MICU3: variants seen among roughly 807,000 people sequenced by gnomAD.
The protein encoded by MICU3 is calcium uptake protein 3, mitochondrial.
Under a neutral mutation model 66.5 loss-of-function variants are expected in MICU3, and 62 were observed. The ratio of observed to expected loss-of-function variants is 0.93; its 90% confidence interval spans 0.76 to 1.15. MICU3 has a LOEUF of 1.15. Ranked by LOEUF, MICU3 falls within the 50% of genes most tolerant of loss-of-function variation. MICU3 has a pLI of 0.00. For synonymous variants in MICU3, 308 were observed against 240.7 expected (o/e 1.28, Z -2.59); for missense variants, 779 against 664.4 (o/e 1.17, Z -1.90).
chr8:17,130,444 C>G, the MICU3 span, among the ~76,000 whole-genome samples: 1 of 151,520 alleles, frequency 6.6e-6, no homozygotes, highest in Non-Finnish European at 1.5e-5. Flanking sequence ...AATCACTTGA[C>G]TGAGGTGGAG....
At chr8:17,087,131 C>T in intron 7 of MICU3, 96 bp downstream of exon 7, 2 of 822,286 alleles carry the variant, frequency 2.4e-6, no homozygotes, top group South Asian at 3.5e-5. Flanking sequence ...AACTTTGAAG[C>T]TGTCCCTTTC....
downstream of MICU3, chr8:17,122,671 T>G (rs1180521605): frequency 6.6e-6 from 1 of 152,016 alleles, no homozygotes; most frequent in African/African-American, 2.4e-5. Context: ...TATGTATCTG[T>G]GGACTAATAA....
In MICU3 at chr8:17,030,001, A is replaced by C. The variant is rs961874204; in HGVS notation, c.381+2341A>C. ...CAGATATCCTGGGCTTTATCTTCCA[A>C]CCTTCCTACTGAATTTTTTTATTTC... On this transcript the variant is annotated intron_variant, in intron 1 of 14. Transcript: ENST00000318063. Among the ~76,000 whole-genome samples, 7 of 152,250 alleles carry C rather than the reference A, an allele frequency of 4.6e-5. No homozygotes were observed. The East Asian group carries it at 5.8e-4, about 13-fold the overall frequency.
At chr8:17,076,147 C>A (rs1326507028) in intron 3 of MICU3, among the ~76,000 whole-genome samples, 1 of 151,980 alleles carries the variant, frequency 6.6e-6, no homozygotes, top group East Asian at 1.9e-4. Context: ...CCACCTCAGC[C>A]TCCTGAGTAA....
intron 1 of MICU3, among the ~76,000 whole-genome samples, chr8:17,028,565 CAGAG>C (rs902916569): frequency 6.6e-5 from 10 of 152,178 alleles, no homozygotes; most frequent in African/African-American, 2.4e-4. Context: ...ATTTAGAAAA[CAGAG>C]AGCTATGCTG....
the MICU3 span, among the ~76,000 whole-genome samples, chr8:17,133,756 C>A: frequency 1.3e-5 from 2 of 152,060 alleles, no homozygotes; most frequent in Admixed American, 1.3e-4. Flanking sequence ...TGGAATAATT[C>A]TTCCTTTTTG....
intron 14 of MICU3, among the ~76,000 whole-genome samples, chr8:17,119,897 A>G (rs1280120459): frequency 6.6e-6 from 1 of 152,182 alleles, no homozygotes; most frequent in African/African-American, 2.4e-5. Flanking sequence ...AAAAGAAGTC[A>G]GGTCTTCCTA....
At chr8:17,119,891 G>C (rs1803062559) in intron 14 of MICU3, among the ~76,000 whole-genome samples, 1 of 152,084 alleles carries the variant, frequency 6.6e-6, no homozygotes, top group African/African-American at 2.4e-5. Flanking sequence ...GTTAACAAAA[G>C]AAGTCAGGTC....
chr8:17,096,945 C>G (rs956458688), intron 8 of MICU3, among the ~76,000 whole-genome samples: 1 of 137,348 alleles, frequency 7.3e-6, no homozygotes, highest in Non-Finnish European at 1.6e-5. Context: ...TTAATACGTT[C>G]TAAATATATT....
intron 14 of MICU3, among the ~76,000 whole-genome samples, chr8:17,119,869 C>G (rs1437670263): frequency 6.6e-6 from 1 of 152,020 alleles, no homozygotes; most frequent in African/African-American, 2.4e-5. Flanking sequence ...AGGTGGTAAC[C>G]GTTGTAGCTG....
intron 14 of MICU3, among the ~76,000 whole-genome samples, chr8:17,119,350 T>C (rs1226563430): frequency 2.0e-5 from 3 of 152,252 alleles, no homozygotes; most frequent in African/African-American, 7.2e-5. Context: ...TTGTTTCTAA[T>C]CTCCAAGCGA....
the MICU3 span, among the ~76,000 whole-genome samples, chr8:17,137,522 A>T: frequency 1.7e-3 from 97 of 55,662 alleles, 1 homozygote; most frequent in African/African-American, 4.3e-3. Context: ...GCTTTTTTTT[A>T]AAAAAAAAAA....
At chr8:17,048,716 A>G (rs1563291173) in intron 1 of MICU3, among the ~76,000 whole-genome samples, 1 of 152,150 alleles carries the variant, frequency 6.6e-6, no homozygotes, top group Non-Finnish European at 1.5e-5. Flanking sequence ...CCTGGGCTCA[A>G]GATATCCTCT....
chr8:17,088,805 A>C (rs1463962512), intron 7 of MICU3, among the ~76,000 whole-genome samples: 1 of 151,982 alleles, frequency 6.6e-6, no homozygotes, highest in Non-Finnish European at 1.5e-5. Context: ...CAGTGTTAGC[A>C]CAAAATTTGG....
chr8:17,102,119 G>A (rs1161025304), intron 9 of MICU3, among the ~76,000 whole-genome samples: 1 of 151,744 alleles, frequency 6.6e-6, no homozygotes, highest in Non-Finnish European at 1.5e-5. Context: ...GCTCACCACA[G>A]TACTGGCTAT....
chr8:17,093,336 A>G (rs1352392356), intron 8 of MICU3, among the ~76,000 whole-genome samples: 1 of 152,054 alleles, frequency 6.6e-6, no homozygotes, highest in Non-Finnish European at 1.5e-5. Flanking sequence ...CATTGCTGAC[A>G]GAAAACATAC....
chr8:17,045,563 G>C (rs1814935272), intron 1 of MICU3, among the ~76,000 whole-genome samples: 1 of 152,314 alleles, frequency 6.6e-6, no homozygotes, highest in East Asian at 1.9e-4. Flanking sequence ...GCAGAGTTTG[G>C]GAGTTTCCAG....
At chr8:17,076,558 G>A (rs893464853) in intron 3 of MICU3, among the ~76,000 whole-genome samples, 2 of 152,090 alleles carry the variant, frequency 1.3e-5, no homozygotes, top group African/African-American at 2.4e-5. Flanking sequence ...GGGCTTCAAG[G>A]TGTCCATAAA....
Position 17,027,466 on chromosome 8 carries a change from CGCTGGGGGGAGCTGAGCGTGG to C in MICU3, c.188_208del (p.Arg63_Ala70delinsPro). On this transcript the variant is annotated inframe_deletion, in exon 1 of 15. Transcript: ENST00000318063. ...GGAGGCGGCATGGAGGCGGCGGCGG[CGCTGGGGGGAGCTGAGCGTGG>C]CGGCGGCGGCCGGCGGGGGGCTGGT... The C allele has an allele frequency of 7.7e-7, 1 of 1,292,118 alleles. No individual in the cohort carries two copies. Among genetic ancestry groups the C allele is most frequent in the South Asian group, 2.6e-5 (1 of 37,908 alleles). The allele number at this position is 1,292,118 out of a possible 1,614,324, so 80.0% of individuals were successfully genotyped here. A position where few individuals can be genotyped will look rare whatever the true frequency, so the allele number is the denominator to read the frequency against.
Sources: allele counts gnomAD v4.1 joint callset (sites outside exome capture counted in the v4.1 genomes callset), GRCh38; gene constraint gnomAD v4.1.1; transcripts MANE v1.5; gene names NCBI Gene and HGNC (gene_info 2026-07-23, HGNC 2026-07-21).